The following ASXL3 variants were observed in gnomAD, a reference collection of about 807,000 sequenced individuals.
ASXL3 encodes the protein ASXL transcriptional regulator 3.
Under a neutral mutation model 170.6 loss-of-function variants are expected in ASXL3, and 34 were observed. That is an observed-to-expected ratio of 0.20 (90% CI 0.15 to 0.27). ASXL3 has a LOEUF of 0.27. Among genes scored for constraint, ASXL3 ranks in the 10% least tolerant of loss-of-function variants. The probability of loss-of-function intolerance (pLI) is 1.00; values close to 1 mark genes in which losing one functional copy is unlikely to be tolerated. For missense variants in ASXL3, 2,592 were observed against 2,695.3 expected, an observed-to-expected ratio of 0.96 and a Z score of 0.85; for synonymous variants, 1,002 against 989.1, an observed-to-expected ratio of 1.01 and a Z score of -0.24.
chr18:33,743,346 A>C lies in ASXL3; in HGVS notation c.3498A>C (p.Arg1166Ser), dbSNP rs996643867. The C allele has an allele frequency of 1.2e-6, 2 of 1,613,738 alleles. No homozygotes were observed. The highest frequency in any genetic ancestry group is 1.1e-5 in the South Asian group (1 of 91,082). ...TGVIIVNPNC[R>S]SPSNKSAHLR... The stretch of plus-strand genomic sequence containing the variant: ...TCATTATTGTCAATCCAAACTGTAG[A>C]TCTCCTAGCAACAAGTCTGCCCACC... Residue 1166 changes from arginine to serine, a missense_variant, in exon 12 of 12, where the codon AGA becomes AGC. Around this residue, in one of 4 missense-constraint regions of ASXL3, gnomAD observed 2,246 missense variants for 2,219.6 expected, o/e 1.01. Transcript: ENST00000269197.
rs753249128 is a variant in ASXL3, at chr18:33,744,906, C to T, written c.5058C>T (p.Phe1686=). Residue 1686 remains phenylalanine, a synonymous_variant, in exon 12 of 12, where the codon TTC becomes TTT. Coordinates refer to ENST00000269197, the MANE Select transcript of ASXL3 (RefSeq NM_030632.3). ...DKGFRMDTED[F]PGPELPPPAA... ...GCTTTAGAATGGACACTGAAGACTT[C>T]CCTGGCCCTGAGCTGCCTCCTCCGG... The T allele has an allele frequency of 2.5e-6, 4 of 1,613,896 alleles. No individual in the cohort carries two copies. In the African/African-American group the frequency reaches 4.0e-5, roughly 16 times the overall value.
At chr18:33,716,897 TAA>T (rs11378870) in intron 8 of ASXL3, among the ~76,000 whole-genome samples, 15 of 143,762 alleles carry the variant, frequency 1.0e-4, no homozygotes, top group Admixed American at 1.4e-4. Flanking sequence ...ATTTGCTGGT[TAA>T]AAAAAAAAAA....
chr18:33,593,523 T>C (rs2065098466), intron 1 of ASXL3, among the ~76,000 whole-genome samples: 2 of 152,016 alleles, frequency 1.3e-5, no homozygotes, highest in Admixed American at 1.3e-4. Context: ...AGAAAACTGG[T>C]CTTGAAAGCC....
At position 33,745,557 on chromosome 18, in the gene ASXL3, G is replaced by A. The variant is rs367848609; in HGVS notation, c.5709G>A (p.Ser1903=). 201 of 1,613,822 alleles carry A rather than the reference G, an allele frequency of 1.2e-4. No homozygotes were observed. The highest frequency in any genetic ancestry group is 3.7e-4 in the Admixed American group (22 of 59,992). ...AACAGCAAAAGCGGCTGCTCCCCTC[G>A]TGTAGCTTCCAGCAGAACCTATTTC... ...EVKQQKRLLP[S]CSFQQNLFHV... is the part of the protein sequence containing the mutation. The change falls in exon 12 of 12, where the codon TCG becomes TCA. Residue 1903 remains serine, a synonymous_variant. Transcript: ENST00000269197.
Position 33,744,753 on chromosome 18 carries a change from G to C in ASXL3, c.4905G>C (p.Glu1635Asp), listed in dbSNP as rs772821595. Residue 1635 changes from glutamate (E) to aspartate (D), a missense_variant, in exon 12 of 12, where the codon GAG (glutamate) becomes GAC (aspartate). Physicochemically the swap from Glu to Asp is conservative, Grantham distance 45. Around this residue, in one of 4 missense-constraint regions of ASXL3, gnomAD observed 2,246 missense variants for 2,219.6 expected, o/e 1.01. Coordinates refer to ENST00000269197, the MANE Select transcript of ASXL3 (RefSeq NM_030632.3). ...SGSSKQKEYL[E>D]QSCPKAIKTE... Reference sequence around the variant, plus strand: ...CAAGTAAACAAAAAGAATATCTAGAGCAAAGCTGTCCAAAGGCTATCAAAA... The same window carrying C: ...CAAGTAAACAAAAAGAATATCTAGACCAAAGCTGTCCAAAGGCTATCAAAA... The C allele has an allele frequency of 3.8e-5, 62 of 1,614,030 alleles. No homozygotes were observed. Among genetic ancestry groups the C allele is most frequent in the East Asian group, 1.6e-4 (7 of 44,872 alleles).
intron 4 of ASXL3, among the ~76,000 whole-genome samples, chr18:33,648,216 G>A (rs1379506785): frequency 1.3e-5 from 2 of 152,046 alleles, no homozygotes; most frequent in South Asian, 2.1e-4. Context: ...AAAAAGATAC[G>A]AGAACAAGGA....
At chr18:33,688,970 T>C (rs986028669) in intron 8 of ASXL3, among the ~76,000 whole-genome samples, 1 of 151,878 alleles carries the variant, frequency 6.6e-6, no homozygotes, top group African/African-American at 2.4e-5. Flanking sequence ...TCCCCCAATA[T>C]ATGATGACTT....
At chr18:33,664,718 G>C (rs879415432) in intron 5 of ASXL3, among the ~76,000 whole-genome samples, 5 of 152,140 alleles carry the variant, frequency 3.3e-5, no homozygotes, top group Non-Finnish European at 7.4e-5. Flanking sequence ...AAAGCATGTT[G>C]CTACAGAGAG....
intron 4 of ASXL3, among the ~76,000 whole-genome samples, chr18:33,655,670 G>T (rs905192685): frequency 6.6e-6 from 1 of 152,012 alleles, no homozygotes; most frequent in Non-Finnish European, 1.5e-5. Flanking sequence ...TTTAATTGGG[G>T]TTAGATGGTT....
chr18:33,648,206 A>G (rs2065945130), intron 4 of ASXL3, among the ~76,000 whole-genome samples: 1 of 152,142 alleles, frequency 6.6e-6, no homozygotes, highest in East Asian at 1.9e-4. Flanking sequence ...ACTAACTACG[A>G]AAAAGATACG....
intron 7 of ASXL3, among the ~76,000 whole-genome samples, chr18:33,674,670 G>A (rs2066397331): frequency 6.6e-6 from 1 of 151,182 alleles, no homozygotes; most frequent in Non-Finnish European, 1.5e-5. Flanking sequence ...CCAGACTGGA[G>A]TGCAGTGGTG....
chr18:33,595,554 T>C (rs1033444730), intron 1 of ASXL3, among the ~76,000 whole-genome samples: 1 of 152,208 alleles, frequency 6.6e-6, no homozygotes, highest in Non-Finnish European at 1.5e-5. Context: ...ATTGGAAGAC[T>C]CATAAGTTAG....
Position 33,671,850 on chromosome 18 carries a change from A to T in ASXL3, c.699A>T (p.Leu233Phe), listed in dbSNP as rs1451141522. ...GKQTSQHLKR[L>F]KKSGLGHLKW... ...AAACAAGTCAGCACTTAAAACGATT[A>T]AAAAAGTCTGGTTTAGGTGAGTGTT... The change falls in exon 7 of 12, where the codon TTA becomes TTT. Residue 233 changes from leucine to phenylalanine, a missense_variant. Transcript: ENST00000269197. 1.9e-6 allele frequency: 3 copies of T among 1,608,434 alleles called. No individual in the cohort carries two copies. The highest frequency in any genetic ancestry group is 1.7e-5 in the Admixed American group (1 of 59,446).
At chr18:33,661,830 C>A in intron 5 of ASXL3, 93 bp downstream of exon 5, 1 of 1,326,508 alleles carries the variant, frequency 7.5e-7, no homozygotes, top group Non-Finnish European at 1.0e-6. Flanking sequence ...ACCTAGCAAT[C>A]AGAAAGCAGA....
At chr18:33,634,476 A>G (rs931671802) in intron 2 of ASXL3, among the ~76,000 whole-genome samples, 2 of 152,116 alleles carry the variant, frequency 1.3e-5, no homozygotes, top group African/African-American at 4.8e-5. Context: ...GGGGAAATAT[A>G]TCTAAATCTA....
In ASXL3 at chr18:33,750,222, A is replaced by G. The variant is rs1274845768; in HGVS notation, c.*3627A>G. 2.0e-5 allele frequency: 3 copies of G among 152,242 alleles called. No homozygotes were observed. The highest frequency in any genetic ancestry group is 2.1e-4 in the South Asian group (1 of 4,836). 9.4% of individuals were successfully genotyped at this position (152,242 alleles called of 1,614,324 possible). ...CTCTGAATCAGACTGTCAGGGGCCT[A>G]TGTAGCCAAAATGTTACTAAATATA... is the stretch of plus-strand genomic sequence containing the variant. On this transcript the variant is annotated 3_prime_UTR_variant, in exon 12 of 12. Transcript: ENST00000269197.
At chr18:33,621,467 A>G (rs953923074) in intron 2 of ASXL3, among the ~76,000 whole-genome samples, 2 of 152,184 alleles carry the variant, frequency 1.3e-5, no homozygotes, top group African/African-American at 4.8e-5. Flanking sequence ...CACCTACCTA[A>G]TAGTAAATAG....
intron 1 of ASXL3, among the ~76,000 whole-genome samples, chr18:33,596,458 G>C (rs1599378376): frequency 6.6e-6 from 1 of 152,278 alleles, no homozygotes; most frequent in East Asian, 1.9e-4. Flanking sequence ...ACTATTAACT[G>C]TGACAAAATA....
At chr18:33,653,251 G>A (rs60461929) in intron 4 of ASXL3, among the ~76,000 whole-genome samples, 8,437 of 152,102 alleles carry the variant, frequency 0.055, 264 homozygotes, top group South Asian at 0.091. Flanking sequence ...CTACATGATC[G>A]TGGAGAAAGA....
Sources: allele counts gnomAD v4.1 joint callset (sites outside exome capture counted in the v4.1 genomes callset), GRCh38; gene constraint gnomAD v4.1.1; regional missense constraint gnomAD v4.1.1; transcripts MANE v1.5; gene names NCBI Gene and HGNC (gene_info 2026-07-23, HGNC 2026-07-21).